NDFIP1: variants seen among roughly 807,000 people sequenced by gnomAD.
NDFIP1 encodes the protein Nedd4 family interacting protein 1.
In NDFIP1, 7 loss-of-function variants were observed where a neutral mutation model predicts 28.8. The ratio of observed to expected loss-of-function variants is 0.24; its 90% CI spans 0.14 to 0.46. The LOEUF is 0.46. NDFIP1 is among the 20% of genes least tolerant of loss of function. NDFIP1 has a pLI of 0.99. For synonymous variants in NDFIP1, 92 were observed against 101.0 expected, an observed-to-expected ratio of 0.91 and a Z score of 0.53; for missense variants, 194 against 269.1, an observed-to-expected ratio of 0.72 and a Z score of 1.95.
intron 1 of NDFIP1, among the ~76,000 whole-genome samples, chr5:142,114,392 G>T (rs1757045433): frequency 6.6e-6 from 1 of 151,878 alleles, no homozygotes. Flanking sequence ...CATGTTCTTT[G>T]TTCATTTTTG....
chr5:142,132,864 C>T (rs1757240665), intron 3 of NDFIP1, among the ~76,000 whole-genome samples: 1 of 152,150 alleles, frequency 6.6e-6, no homozygotes. Context: ...ATTGGGATGC[C>T]ATATAAACCA....
intron 7 of NDFIP1, among the ~76,000 whole-genome samples, chr5:142,147,403 T>A (rs931446351): frequency 6.6e-6 from 1 of 152,202 alleles, no homozygotes; most frequent in African/African-American, 2.4e-5. Flanking sequence ...AAAACCGTCA[T>A]GTGAAGTAAG....
intron 6 of NDFIP1, 136 bp downstream of exon 6, chr5:142,140,765 T>C: frequency 2.9e-6 from 2 of 695,902 alleles, no homozygotes; most frequent in African/African-American, 1.9e-5. Context: ...TTTTAAAATG[T>C]TGCTTTCTTA....
chr5:142,133,756 T>A (rs189013909), intron 3 of NDFIP1, among the ~76,000 whole-genome samples: 77 of 152,332 alleles, frequency 5.1e-4, no homozygotes, highest in African/African-American at 1.8e-3. Flanking sequence ...TGCAGTATAT[T>A]TTACAGTGGA....
chr5:142,116,352 T>TCCTTCCTTCTTTCTTTCTCTCTCTC (rs1561597776), intron 1 of NDFIP1, among the ~76,000 whole-genome samples: 9 of 116,272 alleles, frequency 7.7e-5, no homozygotes, highest in African/African-American at 3.8e-4. Context: ...CCTTCCTTCT[T>TCCTTCCTTCTTTCTTTCTCTCTCTC]TCTCTCTCTC....
At chr5:142,121,117 A>G (rs1757118273) in intron 1 of NDFIP1, among the ~76,000 whole-genome samples, 1 of 152,240 alleles carries the variant, frequency 6.6e-6, no homozygotes, top group Non-Finnish European at 1.5e-5. Flanking sequence ...TCAATGTGGA[A>G]TATTCCATTC....
intron 6 of NDFIP1, among the ~76,000 whole-genome samples, chr5:142,142,242 C>CG (rs1757339617): frequency 6.6e-6 from 1 of 152,150 alleles, no homozygotes. Context: ...ATCGCACCAT[C>CG]TACCACCTCC....
chr5:142,112,554 C>G (rs1407769527), intron 1 of NDFIP1, among the ~76,000 whole-genome samples: 1 of 133,852 alleles, frequency 7.5e-6, no homozygotes, highest in Non-Finnish European at 1.6e-5. Flanking sequence ...AAAAAAAAGG[C>G]ACCGAGGTGG....
chr5:142,116,323 TTTCCTTCC>T (rs58709020), intron 1 of NDFIP1, among the ~76,000 whole-genome samples: 6 of 148,662 alleles, frequency 4.0e-5, no homozygotes, highest in Admixed American at 6.7e-5. Flanking sequence ...TATTTATTTA[TTTCCTTCC>T]TTCCTTCCTT....
At chr5:142,142,136 A>AAAAAC (rs916192422) in intron 6 of NDFIP1, among the ~76,000 whole-genome samples, 12 of 152,030 alleles carry the variant, frequency 7.9e-5, no homozygotes, top group African/African-American at 2.2e-4. Flanking sequence ...CAGTGTCTCT[A>AAAAAC]AAAACAAAAC....
At chr5:142,129,974 T>G (rs911982989) in intron 1 of NDFIP1, among the ~76,000 whole-genome samples, 2 of 151,748 alleles carry the variant, frequency 1.3e-5, no homozygotes, top group African/African-American at 2.4e-5. Flanking sequence ...TACTTCACAT[T>G]AGTACACCTC....
chr5:142,123,604 A>G (rs1757142396), intron 1 of NDFIP1, among the ~76,000 whole-genome samples: 2 of 152,238 alleles, frequency 1.3e-5, no homozygotes, highest in South Asian at 4.1e-4. Context: ...GATGAAATCT[A>G]TATACGGGGT....
At position 142,149,326 on chromosome 5, in the gene NDFIP1, G is replaced by A. The variant is rs377528155; in HGVS notation, c.*3-2405G>A. Among the ~76,000 whole-genome samples, 33 of 152,082 alleles carry A rather than the reference G, an allele frequency of 2.2e-4. 1 individual carries two copies. Among genetic ancestry groups the A allele is most frequent in the South Asian group, 2.1e-3 (10 of 4,824 alleles). On this transcript the variant is annotated intron_variant, in intron 7 of 7. Coordinates refer to ENST00000253814, the MANE Select transcript of NDFIP1 (RefSeq NM_030571.4). ...TATGTTATAAGATAGCAAGATAATA[G>A]GGAAATGGTGTTTCCAGTAGAATTT...
intron 1 of NDFIP1, among the ~76,000 whole-genome samples, chr5:142,129,419 A>G (rs1037763204): frequency 2.0e-5 from 3 of 152,202 alleles, no homozygotes; most frequent in African/African-American, 7.2e-5. Flanking sequence ...AGGAAAAATT[A>G]TCTTAGGTTA....
intron 1 of NDFIP1, among the ~76,000 whole-genome samples, chr5:142,109,818 G>A (rs556149210): frequency 1.3e-5 from 2 of 152,252 alleles, no homozygotes; most frequent in African/African-American, 4.8e-5. Context: ...TTCACTCCGC[G>A]TCTGTAGCTA....
chr5:142,110,555 G>C (rs1289349434), intron 1 of NDFIP1, among the ~76,000 whole-genome samples: 2 of 152,018 alleles, frequency 1.3e-5, no homozygotes, highest in Non-Finnish European at 2.9e-5. Flanking sequence ...TCAAAATCAT[G>C]TATTCCTTAG....
intron 5 of NDFIP1, 39 bp downstream of exon 5, chr5:142,137,897 G>A: frequency 7.1e-6 from 11 of 1,554,990 alleles, no homozygotes; most frequent in Non-Finnish European, 9.6e-6. Flanking sequence ...CTACAGAGAG[G>A]CAATAATCAG....
chr5:142,114,884 G>A (rs1202844445), intron 1 of NDFIP1, among the ~76,000 whole-genome samples: 1 of 152,152 alleles, frequency 6.6e-6, no homozygotes, highest in East Asian at 1.9e-4. Flanking sequence ...TCCCATGGGT[G>A]ACCACTTGTT....
At chr5:142,137,895 A>C (rs1013599702) in intron 5 of NDFIP1, 37 bp downstream of exon 5, 2 of 1,581,854 alleles carry the variant, frequency 1.3e-6, no homozygotes, top group Non-Finnish European at 1.7e-6. Flanking sequence ...CTCTACAGAG[A>C]GGCAATAATC....
Sources: gnomAD v4.1 joint callset for allele counts (sites outside exome capture counted in the v4.1 genomes callset) on GRCh38, gnomAD v4.1.1 for gene constraint, MANE v1.5 for transcripts, NCBI Gene and HGNC (gene_info 2026-07-23, HGNC 2026-07-21) for gene names.